ZNF850: variants seen among roughly 807,000 people sequenced by gnomAD.
ZNF850 encodes the protein putative zinc finger protein ENSP00000330994.
A neutral mutation model predicts 11.9 loss-of-function variants in ZNF850; 2 were observed. The observed-to-expected ratio is 0.17, with a 90% confidence interval of 0.07 to 0.53. The LOEUF (loss-of-function observed/expected upper bound fraction) is 0.53, where lower values mean the gene tolerates loss of function less well. ZNF850 is among the 20% of genes least tolerant of loss of function. The probability of loss-of-function intolerance (pLI) is 0.94; values close to 1 mark genes in which losing one functional copy is unlikely to be tolerated. For missense variants in ZNF850, 1,014 were observed against 1,316.4 expected (o/e 0.77, Z 3.55); for synonymous variants, 381 against 443.0 (o/e 0.86, Z 1.76).
chr19:36,749,426 A>T lies in ZNF850; in HGVS notation c.1614T>A (p.Cys538Ter). 6.5e-7 allele frequency: 1 copy of T among 1,549,514 alleles called. No homozygotes were observed. Residue 538 changes from cysteine (C) to a stop codon, truncating the protein, a stop_gained, in exon 5 of 5, where the codon TGT becomes TGA. Transcript: ENST00000591344. LOFTEE classifies it low-confidence loss of function (END_TRUNC). ...CTGAGCGAAAAGTAAAAGATTTTCC[A>T]CATTCCTTACAATGATAGGGTTTCT... is the stretch of plus-strand genomic sequence containing the variant. The part of the protein sequence containing the change: ...TGEKPYHCKE[C>*]GKSFTFRSGL...
chr19:36,750,249 G>A lies in ZNF850; in HGVS notation c.791C>T (p.Pro264Leu), dbSNP rs377231192. ...CCAATGTTGAATAAGATGTGCAGAC[G>A]GTCTAAAGGCCTTCACGGATTCCTG... is the stretch of plus-strand genomic sequence containing the variant. Reference protein sequence around the residue: ...ECQESVKAFRPSAHLIQHWRI... With the variant: ...ECQESVKAFRLSAHLIQHWRI... Residue 264 changes from proline to leucine, a missense_variant, in exon 5 of 5, where the codon CCG (proline) becomes CTG (leucine). Physicochemically the swap from Pro to Leu is moderately conservative, Grantham distance 98. Coordinates refer to ENST00000591344, the MANE Select transcript of ZNF850 (RefSeq NM_001193552.2). 1.2e-4 allele frequency: 182 copies of A among 1,537,626 alleles called. 1 individual carries two copies. In the South Asian group the frequency reaches 1.7e-3, roughly 14 times the overall value.
At chr19:36,757,230 A>G (rs2040491752) in intron 4 of ZNF850, among the ~76,000 whole-genome samples, 1 of 152,158 alleles carries the variant, frequency 6.6e-6, no homozygotes, top group African/African-American at 2.4e-5. Context: ...AGTAAATAGA[A>G]GCTTTTCTTA....
Position 36,748,766 on chromosome 19 carries a change from A to G in ZNF850, c.2274T>C (p.Asp758=), listed in dbSNP as rs533917150. The G allele has an allele frequency of 2.8e-5, 44 of 1,550,618 alleles. No homozygotes were observed. Among genetic ancestry groups the G allele is most frequent in the Non-Finnish European group, 3.6e-5 (42 of 1,153,136 alleles). ...TAAAAGATTTCCCACATTCCTTACAATCATAGGGTTTCTCACCAGTGTGAA... is the reference window on the plus strand; with the variant it reads ...TAAAAGATTTCCCACATTCCTTACAGTCATAGGGTTTCTCACCAGTGTGAA... The part of the protein sequence containing the change: ...QQIHTGEKPY[D]CKECGKSFTS... Residue 758 remains aspartate (D), a synonymous_variant, in exon 5 of 5, where the codon GAT becomes GAC. Coordinates refer to ENST00000591344, the MANE Select transcript of ZNF850 (RefSeq NM_001193552.2).
At chr19:36,751,428 C>G (rs2040453389) in intron 4 of ZNF850, among the ~76,000 whole-genome samples, 1 of 152,012 alleles carries the variant, frequency 6.6e-6, no homozygotes, top group African/African-American at 2.4e-5. Flanking sequence ...AGGCCAGGCA[C>G]AGTGGCTCAC....
rs777987125 is a variant in ZNF850, at chr19:36,747,992, C to T, written c.3048G>A (p.Lys1016=). ...EKPYDCKECG[K]AFRCPSQLSQ... is the part of the protein sequence containing the mutation. ...TAAGTTGTGAAGGACATCTAAAGGC[C>T]TTCCCACATTCCTTACAATCATAAG... is the stretch of plus-strand genomic sequence containing the variant. The change falls in exon 5 of 5, where the codon AAG becomes AAA. Residue 1016 remains lysine, a synonymous_variant. Transcript: ENST00000591344. 7 of 1,590,968 alleles carry T rather than the reference C, an allele frequency of 4.4e-6. No homozygotes were observed. Among genetic ancestry groups the T allele is most frequent in the South Asian group, 1.1e-5 (1 of 88,508 alleles).
In ZNF850 at chr19:36,750,345, T is replaced by C. The variant is rs756095362; in HGVS notation, c.695A>G (p.Lys232Arg). ...AAGATGTGAGCCAGAAATAAAAGCT[T>C]TTCCATATTCTTTACATGCACAGGG... ...EKPCACKEYG[K>R]AFISGSHLIQ... The change falls in exon 5 of 5, where the codon AAA (lysine) becomes AGA (arginine). Residue 232 changes from lysine to arginine, a missense_variant. Coordinates refer to ENST00000591344, the MANE Select transcript of ZNF850 (RefSeq NM_001193552.2). The C allele has an allele frequency of 8.5e-6, 13 of 1,536,410 alleles. No homozygotes were observed. The highest frequency in any genetic ancestry group is 9.6e-6 in the Non-Finnish European group (11 of 1,146,912).
intron 4 of ZNF850, among the ~76,000 whole-genome samples, chr19:36,754,632 T>C (rs1331023424): frequency 6.6e-6 from 1 of 152,120 alleles, no homozygotes; most frequent in Admixed American, 6.6e-5. Context: ...CTCAGCTCAC[T>C]GCAACCTCTG....
At position 36,750,184 on chromosome 19, in the gene ZNF850, A is replaced by T; in HGVS notation, c.856T>A (p.Cys286Ser). The change falls in exon 5 of 5, where the codon TGT becomes AGT. Residue 286 changes from cysteine to serine, a missense_variant. This residue lies in a region of ZNF850 where 835 missense variants were observed against 1,022.0 expected (regional missense o/e 0.82). Transcript: ENST00000591344. The part of the protein sequence containing the change: ...TGDKPYECKE[C>S]GKSFTSGSTL... ...GAGCCAGAAGTAAAAGATTTCCCAC[A>T]TTCTTTACATTCATAAGGTTTGTCA... is the stretch of plus-strand genomic sequence containing the variant. 1 of 1,539,156 alleles carries T rather than the reference A, an allele frequency of 6.5e-7. No homozygotes were observed. Among genetic ancestry groups the T allele is most frequent in the Non-Finnish European group, 8.7e-7 (1 of 1,146,940 alleles).
chr19:36,754,921 G>A (rs767334210), intron 4 of ZNF850, among the ~76,000 whole-genome samples: 4 of 152,090 alleles, frequency 2.6e-5, no homozygotes, highest in African/African-American at 9.7e-5. Context: ...AAATATAAAA[G>A]GATACAGAGG....
chr19:36,767,829 A>C (rs2040557864), intron 1 of ZNF850, among the ~76,000 whole-genome samples: 1 of 152,234 alleles, frequency 6.6e-6, no homozygotes, highest in African/African-American at 2.4e-5. Context: ...AGGAAATTGA[A>C]AGTCAACAGG....
chr19:36,763,630 A>G (rs1233070507), intron 1 of ZNF850, among the ~76,000 whole-genome samples: 1 of 151,986 alleles, frequency 6.6e-6, no homozygotes, highest in Non-Finnish European at 1.5e-5. Context: ...TAGCACTTCG[A>G]TAATTAAATG....
chr19:36,766,810 A>G (rs545069243), intron 1 of ZNF850, among the ~76,000 whole-genome samples: 2 of 152,342 alleles, frequency 1.3e-5, no homozygotes, highest in African/African-American at 4.8e-5. Flanking sequence ...CCTTCAAAAT[A>G]TAAGTATTTT....
intron 4 of ZNF850, among the ~76,000 whole-genome samples, chr19:36,756,861 G>T (rs771275515): frequency 7.9e-5 from 12 of 152,140 alleles, no homozygotes; most frequent in African/African-American, 2.4e-4. Context: ...TGATCCACCC[G>T]CCTTGGCCTC....
intron 4 of ZNF850, among the ~76,000 whole-genome samples, chr19:36,754,544 G>A (rs961537787): frequency 5.9e-5 from 9 of 151,872 alleles, no homozygotes; most frequent in Non-Finnish European, 1.0e-4. Flanking sequence ...CTTGATTGTG[G>A]GAGATTTCTT....
chr19:36,763,050 C>T (rs1008750625), intron 1 of ZNF850, among the ~76,000 whole-genome samples: 4 of 151,892 alleles, frequency 2.6e-5, no homozygotes, highest in Non-Finnish European at 4.4e-5. Flanking sequence ...ACCACCATGT[C>T]CAGCTAATTT....
At position 36,760,316 on chromosome 19, in the gene ZNF850, G is replaced by A. The variant is rs1371116489; in HGVS notation, c.235+1327C>T. 4.1e-4 allele frequency among the ~76,000 whole-genome samples: 63 copies of A among 151,980 alleles called. 1 individual carries two copies. The highest frequency in any genetic ancestry group is 1.2e-4 in the Non-Finnish European group (8 of 67,970). ...CAAAAAATTAGCCAGGTGTGGTGGCGCGTGCCTGTAATCTTAGCTACTCCG... is the reference window on the plus strand; with the variant it reads ...CAAAAAATTAGCCAGGTGTGGTGGCACGTGCCTGTAATCTTAGCTACTCCG... On this transcript the variant is annotated intron_variant, in intron 4 of 4. Coordinates refer to ENST00000591344, the MANE Select transcript of ZNF850 (RefSeq NM_001193552.2).
chr19:36,764,886 T>C (rs1214908859), intron 1 of ZNF850, among the ~76,000 whole-genome samples: 1 of 151,952 alleles, frequency 6.6e-6, no homozygotes, highest in Non-Finnish European at 1.5e-5. Context: ...GGGGTTTCAC[T>C]GTGTTGCTGA....
Position 36,748,411 on chromosome 19 carries a change from A to AT in ZNF850, c.2628dup (p.Ser877IlefsTer18). On this transcript the variant is annotated frameshift_variant, in exon 5 of 5. Transcript: ENST00000591344. LOFTEE classifies it low-confidence loss of function (END_TRUNC). The stretch of plus-strand genomic sequence containing the variant: ...ATTATTGCTGAGCGAAAAGCAAAAG[A>AT]TTTTCCACATTCCTTACAATGATAG... The AT allele has an allele frequency of 6.5e-7, 1 of 1,542,210 alleles. No homozygotes were observed. The highest frequency in any genetic ancestry group is 8.7e-7 in the Non-Finnish European group (1 of 1,146,412).
chr19:36,758,458 G>C (rs1332247811), intron 4 of ZNF850, among the ~76,000 whole-genome samples: 1 of 151,062 alleles, frequency 6.6e-6, no homozygotes, highest in Non-Finnish European at 1.5e-5. Context: ...TCGGCTCATT[G>C]CTCCTCCTCC....
Sources: gnomAD v4.1 joint callset for allele counts (sites outside exome capture counted in the v4.1 genomes callset) on GRCh38, gnomAD v4.1.1 for gene constraint, gnomAD v4.1.1 regional missense constraint, MANE v1.5 for transcripts, NCBI Gene and HGNC (gene_info 2026-07-23, HGNC 2026-07-21) for gene names.